Variants in CFAP61 observed in about 807,000 individuals in gnomAD.
CFAP61 encodes the protein cilia and flagella associated protein 61, also known as cilia- and flagella-associated protein 61.
In CFAP61, 107 loss-of-function variants were observed where a neutral mutation model predicts 135.6. The observed-to-expected ratio is 0.79, with a 90% confidence interval of 0.67 to 0.93. CFAP61 has a LOEUF of 0.93. CFAP61 is among the 40% of genes least tolerant of loss of function. The pLI is 0.00. For missense variants in CFAP61, 1,507 were observed against 1,556.2 expected (o/e 0.97, Z 0.53); for synonymous variants, 575 against 578.5 (o/e 0.99, Z 0.09).
intron 15 of CFAP61, among the ~76,000 whole-genome samples, chr20:20,194,407 T>A (rs2056141929): frequency 6.6e-6 from 1 of 152,204 alleles, no homozygotes; most frequent in African/African-American, 2.4e-5. Flanking sequence ...TCCTTTTTGG[T>A]ATCAGCTTGT....
chr20:20,175,495 TTTTGTTTTGTTTTGTTTTGTTTTG>T (rs1569067632), intron 13 of CFAP61, among the ~76,000 whole-genome samples: 674 of 4,232 alleles, frequency 0.16, 10 homozygotes, highest in African/African-American at 0.39. Context: ...TTTGTTTTTG[TTTTGTTTTGTTTTGTTTTGTTTTG>T]TTTTGTTTTG....
chr20:20,147,455 G>C (rs749171458), intron 9 of CFAP61, among the ~76,000 whole-genome samples: 2 of 152,180 alleles, frequency 1.3e-5, no homozygotes, highest in African/African-American at 2.4e-5. Flanking sequence ...GAGTAAGGTG[G>C]TATTTCATTG....
At chr20:20,218,399 C>T (rs1246520504) in intron 17 of CFAP61, among the ~76,000 whole-genome samples, 3 of 152,194 alleles carry the variant, frequency 2.0e-5, no homozygotes, top group African/African-American at 7.2e-5. Context: ...TCCCCAGCCA[C>T]GTGGAACTGT....
At chr20:20,067,247 T>A (rs1010301957) in intron 2 of CFAP61, among the ~76,000 whole-genome samples, 5 of 152,076 alleles carry the variant, frequency 3.3e-5, no homozygotes, top group African/African-American at 4.8e-5. Context: ...CAGTTTGGAT[T>A]TGGCTTATTA....
chr20:20,299,104 C>A (rs772727753), intron 25 of CFAP61, among the ~76,000 whole-genome samples: 2 of 152,166 alleles, frequency 1.3e-5, no homozygotes, highest in African/African-American at 2.4e-5. Context: ...TTCTCGACAC[C>A]CACAGAAGCA....
At chr20:20,150,211 C>T (rs1451465732) in intron 9 of CFAP61, among the ~76,000 whole-genome samples, 4 of 152,096 alleles carry the variant, frequency 2.6e-5, no homozygotes, top group African/African-American at 9.7e-5. Context: ...GTAAGCCCTG[C>T]TCAAGGAGGG....
intron 8 of CFAP61, among the ~76,000 whole-genome samples, chr20:20,126,155 A>G (rs756856034): frequency 2.6e-5 from 4 of 151,728 alleles, no homozygotes; most frequent in Non-Finnish European, 5.9e-5. Context: ...GTTCTTATCA[A>G]TTCTCCAGTT....
chr20:20,169,903 T>C (rs1569055043), intron 13 of CFAP61, among the ~76,000 whole-genome samples: 1 of 152,196 alleles, frequency 6.6e-6, no homozygotes. Context: ...TACTCTATCA[T>C]AAAATAGATT....
intron 25 of CFAP61, among the ~76,000 whole-genome samples, chr20:20,307,548 C>G (rs971159016): frequency 6.6e-6 from 1 of 152,144 alleles, no homozygotes; most frequent in Non-Finnish European, 1.5e-5. Context: ...ATACAGTATT[C>G]CCTCCCCCTC....
At chr20:20,162,704 A>G (rs1431472510) in intron 10 of CFAP61, among the ~76,000 whole-genome samples, 1 of 152,250 alleles carries the variant, frequency 6.6e-6, no homozygotes, top group African/African-American at 2.4e-5. Context: ...GGAAGCTCAT[A>G]TATTATCTCA....
At chr20:20,315,766 T>C (rs1405358783) in intron 25 of CFAP61, among the ~76,000 whole-genome samples, 1 of 152,190 alleles carries the variant, frequency 6.6e-6, no homozygotes, top group African/African-American at 2.4e-5. Flanking sequence ...GGCTAGCCAG[T>C]TTTCCCAGCA....
At chr20:20,121,334 C>G (rs1024942585) in intron 8 of CFAP61, among the ~76,000 whole-genome samples, 2 of 151,568 alleles carry the variant, frequency 1.3e-5, no homozygotes, top group African/African-American at 4.9e-5. Context: ...GTCTTGAGCT[C>G]CTGAACACAA....
rs183374893 is a variant in CFAP61, at chr20:20,144,247, G to A, written c.951+1299G>A. Among the ~76,000 whole-genome samples the A allele has an allele frequency of 6.0e-4, 92 of 152,212 alleles. 1 individual carries two copies. Among genetic ancestry groups the A allele is most frequent in the African/African-American group, 2.1e-3 (89 of 41,540 alleles). On this transcript the variant is annotated intron_variant, in intron 9 of 26. Transcript: ENST00000245957. ...AAAACTGGTAATATATTATGCATAA[G>A]GTGGAGATAAATCAATCAGTTGAAA... is the stretch of plus-strand genomic sequence containing the variant.
At chr20:20,220,683 GAAGT>G (rs2048340394) in intron 17 of CFAP61, among the ~76,000 whole-genome samples, 1 of 152,196 alleles carries the variant, frequency 6.6e-6, no homozygotes, top group African/African-American at 2.4e-5. Context: ...GAATGTAAAA[GAAGT>G]AAGGGTTTGT....
intron 24 of CFAP61, among the ~76,000 whole-genome samples, chr20:20,296,354 T>C (rs1246726973): frequency 1.7e-5 from 2 of 116,582 alleles, no homozygotes; most frequent in Non-Finnish European, 3.6e-5. Context: ...CTTCCTTCCT[T>C]CTTTCCTTTC....
At chr20:20,098,182 G>A (rs1205195410) in intron 7 of CFAP61, among the ~76,000 whole-genome samples, 1 of 152,126 alleles carries the variant, frequency 6.6e-6, no homozygotes, top group Admixed American at 6.6e-5. Context: ...CATTTTTTGA[G>A]CATGTTTTAT....
At chr20:20,067,209 A>G (rs6136935) in intron 2 of CFAP61, among the ~76,000 whole-genome samples, 49,818 of 151,386 alleles carry the variant, frequency 0.33, 9,767 homozygotes, top group Non-Finnish European at 0.44. Context: ...ATACGTGTGT[A>G]TGTGTGTGTG....
chr20:20,251,783 G>A lies in CFAP61; in HGVS notation c.2328+20G>A, dbSNP rs764060335. The A allele has an allele frequency of 4.3e-6, 7 of 1,611,220 alleles. No individual in the cohort carries two copies. Among genetic ancestry groups the A allele is most frequent in the South Asian group, 1.1e-5 (1 of 91,008 alleles). ...TACCAGGTAAGGCCGGGCACAGGGG[G>A]CGCAAGCCACGTGTCTGGAGAGCTC... On this transcript the variant is annotated intron_variant, in intron 20 of 26. Coordinates refer to ENST00000245957, the MANE Select transcript of CFAP61 (RefSeq NM_015585.4).
chr20:20,338,211 A>C (rs1347917413), intron 25 of CFAP61, among the ~76,000 whole-genome samples: 4 of 152,184 alleles, frequency 2.6e-5, no homozygotes, highest in Non-Finnish European at 5.9e-5. Flanking sequence ...TCGGGCAGGC[A>C]TCTTAGAAGG....
Sources: gnomAD v4.1 joint callset for allele counts (sites outside exome capture counted in the v4.1 genomes callset) on GRCh38, gnomAD v4.1.1 for gene constraint, MANE v1.5 for transcripts, NCBI Gene and HGNC (gene_info 2026-07-23, HGNC 2026-07-21) for gene names.